The following PACS1 variants were observed in gnomAD, a reference collection of about 807,000 sequenced individuals.
PACS1 encodes the protein PACS-1.
A neutral mutation model predicts 115.0 loss-of-function variants in PACS1; 24 were observed. The ratio of observed to expected loss-of-function variants is 0.21; its 90% confidence interval spans 0.15 to 0.29. The LOEUF is 0.29. Ranked by LOEUF, PACS1 falls within the 10% of genes least tolerant of loss-of-function variation. The probability of loss-of-function intolerance (pLI) is 1.00; values close to 1 mark genes in which losing one functional copy is unlikely to be tolerated. For missense variants in PACS1, 838 were observed against 1,251.2 expected, an observed-to-expected ratio of 0.67 and a Z score of 4.98; for synonymous variants, 453 against 504.5, an observed-to-expected ratio of 0.90 and a Z score of 1.37.
At chr11:66,132,500 C>T (rs935032515) in intron 1 of PACS1, among the ~76,000 whole-genome samples, 2 of 152,148 alleles carry the variant, frequency 1.3e-5, no homozygotes, top group Non-Finnish European at 2.9e-5. Flanking sequence ...ATAACCTACA[C>T]ACATCCTCCC....
chr11:66,070,589 C>T lies in PACS1; in HGVS notation c.103C>T (p.Gln35Ter). 6.9e-7 allele frequency: 1 copy of T among 1,448,296 alleles called. No individual in the cohort carries two copies. The highest frequency in any genetic ancestry group is 9.1e-7 in the Non-Finnish European group (1 of 1,095,806). The allele number at this position is 1,448,296 out of a possible 1,614,324, so 89.7% of individuals were successfully genotyped here. ...VAQSPQQPPP[Q>*]QQQQQPPQQP... ...CCAGTCCCCTCAGCAGCCGCCGCCG[C>T]AGCAGCAGCAGCAGCAGCCGCCGCA... Residue 35 changes from glutamine (Q) to a stop codon, truncating the protein, a stop_gained, in exon 1 of 24, where the codon CAG becomes TAG. Transcript: ENST00000320580. LOFTEE classifies it high-confidence loss of function. This position sits in a 1 kb window ranked among gnomAD's most constrained non-coding sequence, Gnocchi z 5.9.
At chr11:66,234,792 G>T (rs1457916518) in intron 17 of PACS1, among the ~76,000 whole-genome samples, 1 of 152,178 alleles carries the variant, frequency 6.6e-6, no homozygotes, top group African/African-American at 2.4e-5. Context: ...TGGGAGAATT[G>T]CTTGAGACCA....
At chr11:66,220,993 C>T (rs1855331182) in intron 9 of PACS1, among the ~76,000 whole-genome samples, 161 bp from the exon 10 acceptor site, 2 of 152,178 alleles carry the variant, frequency 1.3e-5, no homozygotes, top group South Asian at 2.1e-4. Flanking sequence ...TACCCCCTCT[C>T]CTGACCCGCC....
chr11:66,201,163 G>T (rs1854783648), intron 2 of PACS1, among the ~76,000 whole-genome samples: 1 of 151,976 alleles, frequency 6.6e-6, no homozygotes, highest in Non-Finnish European at 1.5e-5. Flanking sequence ...AGGTTACAGT[G>T]AGCGGAGATT....
At chr11:66,238,507 T>G (rs1590842533) in intron 19 of PACS1, 2 of 293,556 alleles carry the variant, frequency 6.8e-6, no homozygotes, top group East Asian at 2.1e-4. Context: ...ATTTGATGTA[T>G]TTATTTATTT....
chr11:66,144,629 T>C (rs973054041), intron 1 of PACS1, among the ~76,000 whole-genome samples: 1 of 152,202 alleles, frequency 6.6e-6, no homozygotes, highest in Non-Finnish European at 1.5e-5. Context: ...GTGTGAAGTA[T>C]GTTCATTATT....
In PACS1 at chr11:66,230,617, CCCATGAAGT is replaced by C. The variant is rs769635451; in HGVS notation, c.1448_1456del (p.Met483_Ser485del). On this transcript the variant is annotated inframe_deletion, in exon 12 of 24. Transcript: ENST00000320580. ...GGTTGTGCCGGAGAAAGTCAAAACT[CCCATGAAGT>C]CCAGTAAAACGGATCTCCAGGGCTC... 2 of 1,614,132 alleles carry C rather than the reference CCCATGAAGT, an allele frequency of 1.2e-6. No homozygotes were observed. Among genetic ancestry groups the C allele is most frequent in the Admixed American group, 3.3e-5 (2 of 60,018 alleles).
At chr11:66,101,851 C>G (rs1487889566) in intron 1 of PACS1, among the ~76,000 whole-genome samples, 1 of 152,196 alleles carries the variant, frequency 6.6e-6, no homozygotes, top group Non-Finnish European at 1.5e-5. Flanking sequence ...CGCTTAGCAT[C>G]ACTTGCTGTT....
chr11:66,187,130 T>C (rs1487173233), intron 1 of PACS1, among the ~76,000 whole-genome samples: 1 of 152,212 alleles, frequency 6.6e-6, no homozygotes, highest in Non-Finnish European at 1.5e-5. Flanking sequence ...GTGTGTTGTT[T>C]CCAGTATAGG....
chr11:66,194,623 C>T (rs774123596), intron 2 of PACS1, among the ~76,000 whole-genome samples: 5 of 152,146 alleles, frequency 3.3e-5, no homozygotes, highest in Admixed American at 6.5e-5. Flanking sequence ...GCTGATGACT[C>T]CCTGGAGTAG....
At chr11:66,240,732 G>A (rs1008134858) in intron 21 of PACS1, among the ~76,000 whole-genome samples, 2 of 145,140 alleles carry the variant, frequency 1.4e-5, no homozygotes, top group African/African-American at 5.6e-5. Flanking sequence ...TGGGTTTGGG[G>A]AGCCTTGGCA....
intron 1 of PACS1, among the ~76,000 whole-genome samples, chr11:66,081,706 G>C (rs1857483166): frequency 6.6e-6 from 1 of 152,188 alleles, no homozygotes; most frequent in Non-Finnish European, 1.5e-5. Flanking sequence ...TTTGTTTTGA[G>C]CCAGCTTGAC....
chr11:66,227,909 G>A (rs1855499547), intron 11 of PACS1, among the ~76,000 whole-genome samples: 1 of 152,124 alleles, frequency 6.6e-6, no homozygotes, highest in South Asian at 2.1e-4. Context: ...TTCCTCATTG[G>A]ATGTTGCTGT....
chr11:66,208,233 G>A (rs769356164), intron 2 of PACS1, among the ~76,000 whole-genome samples: 1 of 152,148 alleles, frequency 6.6e-6, no homozygotes, highest in Non-Finnish European at 1.5e-5. Context: ...TCAGCACCGC[G>A]GCATAGTACC....
At chr11:66,212,874 G>A (rs1855108644) in intron 4 of PACS1, among the ~76,000 whole-genome samples, 1 of 152,072 alleles carries the variant, frequency 6.6e-6, no homozygotes, top group African/African-American at 2.4e-5. Context: ...TTTCGAGACA[G>A]AGTCTCACTT....
intron 1 of PACS1, among the ~76,000 whole-genome samples, chr11:66,097,648 A>T (rs1857815852): frequency 2.6e-5 from 4 of 152,236 alleles, no homozygotes. Flanking sequence ...GCTGCTGCTA[A>T]GCTTTGCTAG....
At chr11:66,239,939 T>C (rs1437903200) in intron 21 of PACS1, among the ~76,000 whole-genome samples, 5 of 152,262 alleles carry the variant, frequency 3.3e-5, no homozygotes, top group Non-Finnish European at 5.9e-5. Flanking sequence ...GAGGATCGCT[T>C]GAGCCCAGGA....
At chr11:66,119,421 AG>A (rs1858391962) in intron 1 of PACS1, among the ~76,000 whole-genome samples, 1 of 152,238 alleles carries the variant, frequency 6.6e-6, no homozygotes, top group Non-Finnish European at 1.5e-5. Context: ...ATGGCCTGCT[AG>A]GCCAGAAATG....
At chr11:66,120,952 C>G (rs576057157) in intron 1 of PACS1, 5 of 452,996 alleles carry the variant, frequency 1.1e-5, no homozygotes, top group East Asian at 1.4e-4. Context: ...GCACGCCTCT[C>G]TCTGCTTCCC....
Sources: allele counts gnomAD v4.1 joint callset (sites outside exome capture counted in the v4.1 genomes callset), GRCh38; gene constraint gnomAD v4.1.1; non-coding constraint Gnocchi (gnomAD v3.1); transcripts MANE v1.5; gene names NCBI Gene and HGNC (gene_info 2026-07-23, HGNC 2026-07-21).